Variants in KLHL35 observed in about 807,000 individuals in gnomAD.
The protein encoded by KLHL35 is kelch like family member 35.
A neutral mutation model predicts 44.0 loss-of-function variants in KLHL35; 50 were observed. The observed-to-expected ratio is 1.14, with a 90% CI of 0.91 to 1.44. KLHL35 has a LOEUF of 1.44. Ranked by LOEUF, KLHL35 falls within the 40% of genes most tolerant of loss-of-function variation. KLHL35 has a pLI of 0.00. For synonymous variants in KLHL35, 470 were observed against 410.4 expected, an observed-to-expected ratio of 1.15 and a Z score of -1.76; for missense variants, 1,049 against 887.8, an observed-to-expected ratio of 1.18 and a Z score of -2.31.
intron 5 of KLHL35, 49 bp from the exon 6 acceptor site, chr11:75,423,929 A>C: frequency 1.9e-5 from 26 of 1,372,614 alleles, no homozygotes; most frequent in Non-Finnish European, 2.5e-5. Flanking sequence ...CCCCCCAACA[A>C]ATGCCCCACC....
rs779607661 is a variant in KLHL35 at position 75,425,465 on chromosome 11, C to T, written c.1302G>A (p.Ala434=). Residue 434 remains alanine, a synonymous_variant, in exon 5 of 7, where the codon GCG becomes GCA. Coordinates refer to ENST00000539798, the MANE Select transcript of KLHL35 (RefSeq NM_001039548.3). ...AAPLPEAVSS[A]AVASCAGKLF... ...GCTTGCCCGCGCAGGACGCCACCGC[C>T]GCCGAGCTCACGGCCTCCGGGAGGG... 7.0e-6 allele frequency: 11 copies of T among 1,572,528 alleles called. No homozygotes were observed. The highest frequency in any genetic ancestry group is 4.6e-5 in the South Asian group (4 of 86,938).
chr11:75,425,277 G>GTT, intron 5 of KLHL35, 116 bp downstream of exon 5: 2 of 1,178,462 alleles, frequency 1.7e-6, no homozygotes, highest in Non-Finnish European at 2.3e-6. Context: ...GGTCTGGGCT[G>GTT]TTGATGGGAT....
Position 75,422,693 on chromosome 11 carries a change from C to G in KLHL35, c.1639G>C (p.Asp547His). ...GGRDDRGEST[D>H]KVFTFDPSSG... is the part of the protein sequence containing the mutation. ...CTGGGGTCAAAGGTGAAGACCTTAT[C>G]GGTGCTTTCTCCGCGATCATCCCGC... Residue 547 changes from aspartate (D) to histidine (H), a missense_variant, in exon 7 of 7, where the codon GAT (aspartate) becomes CAT (histidine). By Grantham distance (81) the Asp-to-His change is moderately conservative. Coordinates refer to ENST00000539798, the MANE Select transcript of KLHL35 (RefSeq NM_001039548.3). 1.2e-6 allele frequency: 2 copies of G among 1,614,058 alleles called. No homozygotes were observed. Among genetic ancestry groups the G allele is most frequent in the Non-Finnish European group, 1.7e-6 (2 of 1,179,902 alleles).
chr11:75,426,196 C>A, intron 4 of KLHL35: 1 of 167,136 alleles, frequency 6.0e-6, no homozygotes, highest in Non-Finnish European at 1.3e-5. Context: ...ACCTCGTGAT[C>A]CGCCCGCCTT....
In KLHL35 at chr11:75,422,711, C is replaced by G; in HGVS notation, c.1621G>C (p.Asp541His). ...GKVHILGGRD[D>H]RGESTDKVFT... ...ACCTTATCGGTGCTTTCTCCGCGAT[C>G]ATCCCGCCCGCCAAGGATGTGGACC... is the stretch of plus-strand genomic sequence containing the variant. The change falls in exon 7 of 7, where the codon GAT becomes CAT. Residue 541 changes from aspartate to histidine, a missense_variant. Physicochemically the swap from Asp to His is moderately conservative, Grantham distance 81. Transcript: ENST00000539798. 6.2e-7 allele frequency: 1 copy of G among 1,614,042 alleles called. No homozygotes were observed. The highest frequency in any genetic ancestry group is 8.5e-7 in the Non-Finnish European group (1 of 1,179,890).
rs1482707857 is a variant in KLHL35, at chr11:75,429,785, C to T, written c.845G>A (p.Gly282Asp). The T allele has an allele frequency of 3.3e-6, 5 of 1,510,440 alleles. No individual in the cohort carries two copies. The highest frequency in any genetic ancestry group is 2.7e-5 in the East Asian group (1 of 37,142). The allele number at this position is 1,510,440 out of a possible 1,614,324, so 93.6% of individuals were successfully genotyped here. A position where few individuals can be genotyped will look rare whatever the true frequency, so the allele number is the denominator to read the frequency against. Residue 282 changes from glycine to aspartate, a missense_variant, in exon 2 of 7, where the codon GGC becomes GAC. Transcript: ENST00000539798. ...LLEARACFIL[G>D]REAGALRTRP... ...GGTCCGCAGCGCACCGGCCTCGCGG[C>T]CCAGGATGAAGCAGGCGCGAGCCTC... is the stretch of plus-strand genomic sequence containing the variant.
intron 1 of KLHL35, among the ~76,000 whole-genome samples, chr11:75,432,558 G>T (rs1019454707): frequency 6.6e-6 from 1 of 152,182 alleles, no homozygotes; most frequent in Non-Finnish European, 1.5e-5. Context: ...AAGAGGGCAG[G>T]TCTCATCAGC....
intron 1 of KLHL35, among the ~76,000 whole-genome samples, chr11:75,432,330 G>C (rs1418269070): frequency 2.0e-5 from 3 of 152,168 alleles, no homozygotes; most frequent in African/African-American, 7.2e-5. Flanking sequence ...TGAGCTCCCT[G>C]GTGGGCAAGA....
chr11:75,430,673 G>T (rs1400848327), intron 1 of KLHL35, 43 bp from the exon 2 acceptor site: 4 of 1,308,216 alleles, frequency 3.1e-6, no homozygotes, highest in Non-Finnish European at 3.9e-6. Context: ...AAGCCACCTG[G>T]CTGCGCCCGG....
chr11:75,425,930 C>T (rs562427755), intron 4 of KLHL35: 67 of 251,696 alleles, frequency 2.7e-4, no homozygotes, highest in African/African-American at 1.5e-3. Flanking sequence ...TTTCTGAATT[C>T]GGGATGTAGC....
At chr11:75,431,081 T>G (rs982148451) in intron 1 of KLHL35, among the ~76,000 whole-genome samples, 3 of 152,032 alleles carry the variant, frequency 2.0e-5, no homozygotes, top group African/African-American at 7.2e-5. Context: ...CCTGGAAATA[T>G]ATCTGTGTAA....
chr11:75,431,238 G>A (rs1302537579), intron 1 of KLHL35, among the ~76,000 whole-genome samples: 1 of 152,214 alleles, frequency 6.6e-6, no homozygotes, highest in African/African-American at 2.4e-5. Flanking sequence ...CCGATCTCCG[G>A]TAGGTGCTGG....
At position 75,422,480 on chromosome 11, in the gene KLHL35, A is replaced by T; in HGVS notation, c.*100T>A. 9.4e-7 allele frequency: 1 copy of T among 1,063,732 alleles called. No individual in the cohort carries two copies. The highest frequency in any genetic ancestry group is 1.4e-6 in the Non-Finnish European group (1 of 734,542). 65.9% of individuals were successfully genotyped at this position (1,063,732 alleles called of 1,614,324 possible). On this transcript the variant is annotated 3_prime_UTR_variant, in exon 7 of 7. Coordinates refer to ENST00000539798, the MANE Select transcript of KLHL35 (RefSeq NM_001039548.3). Reference sequence around the variant, plus strand: ...ATTTATACAAGAAAAGGGACCATTAAGTTAAGGGCTGTTTGCGTGGAGGTG... The same window carrying T: ...ATTTATACAAGAAAAGGGACCATTATGTTAAGGGCTGTTTGCGTGGAGGTG...
chr11:75,426,839 C>T (rs1433638419), intron 3 of KLHL35: 8 of 467,438 alleles, frequency 1.7e-5, no homozygotes, highest in Non-Finnish European at 2.7e-5. Flanking sequence ...TTACGACCCT[C>T]GAGGGGAGAA....
chr11:75,430,062 C>T lies in KLHL35; in HGVS notation c.568G>A (p.Asp190Asn), dbSNP rs1301516829. The change falls in exon 2 of 7, where the codon GAC becomes AAC. Residue 190 changes from aspartate (D) to asparagine (N), a missense_variant. Coordinates refer to ENST00000539798, the MANE Select transcript of KLHL35 (RefSeq NM_001039548.3). ...QAFAEVARHADFLELAPDEVV... is the reference protein window; with the variant it reads ...QAFAEVARHANFLELAPDEVV... ...TCGTCAGGCGCCAGCTCCAGGAAGT[C>T]GGCGTGGCGCGCCACCTCGGCGAAG... 7.2e-7 allele frequency: 1 copy of T among 1,395,108 alleles called. No homozygotes were observed. Among genetic ancestry groups the T allele is most frequent in the South Asian group, 1.5e-5 (1 of 66,708 alleles). The allele number at this position is 1,395,108 out of a possible 1,614,324, so 86.4% of individuals were successfully genotyped here.
At chr11:75,424,088 C>T in intron 5 of KLHL35, 1 of 545,202 alleles carries the variant, frequency 1.8e-6, no homozygotes, top group Non-Finnish European at 3.2e-6. Flanking sequence ...ATGTTCTGTC[C>T]TCTGCCTCTG....
At chr11:75,427,001 T>G (rs956630762) in intron 3 of KLHL35, among the ~76,000 whole-genome samples, 8 of 152,116 alleles carry the variant, frequency 5.3e-5, no homozygotes, top group African/African-American at 4.8e-5. Context: ...GCATCTGGAA[T>G]GTACTGGGGA....
intron 5 of KLHL35, 41 bp from the exon 6 acceptor site, chr11:75,423,921 C>T (rs1287445311): frequency 8.1e-6 from 12 of 1,481,976 alleles, no homozygotes; most frequent in Non-Finnish European, 1.1e-5. Flanking sequence ...TCACCGCCCC[C>T]CCCAACAAAT....
At position 75,430,547 on chromosome 11, in the gene KLHL35, A is replaced by G. The variant is rs925893170; in HGVS notation, c.83T>C (p.Leu28Pro). The change falls in exon 2 of 7, where the codon CTG becomes CCG. Residue 28 changes from leucine (L) to proline (P), a missense_variant. Transcript: ENST00000539798. ...CCGCCGGTAGGCGTTCAGGGCCTGCAGCACGCGCTGCGCGTGGCACGGACC... is the reference window on the plus strand; with the variant it reads ...CCGCCGGTAGGCGTTCAGGGCCTGCGGCACGCGCTGCGCGTGGCACGGACC... ...CAGPCHAQRV[L>P]QALNAYRRSG... 1.4e-5 allele frequency: 20 copies of G among 1,452,240 alleles called. No individual in the cohort carries two copies. In the African/African-American group the frequency reaches 2.8e-4, roughly 20 times the overall value. 90.0% of individuals were successfully genotyped at this position (1,452,240 alleles called of 1,614,324 possible). A position where few individuals can be genotyped will look rare whatever the true frequency, so the allele number is the denominator to read the frequency against.
Sources: allele counts gnomAD v4.1 joint callset (sites outside exome capture counted in the v4.1 genomes callset), GRCh38; gene constraint gnomAD v4.1.1; transcripts MANE v1.5; gene names NCBI Gene and HGNC (gene_info 2026-07-23, HGNC 2026-07-21).